Variants in CERT1 observed in about 807,000 individuals in gnomAD.
CERT1 encodes the protein ceramide transfer protein.
CERT1 carries 31 observed loss-of-function variants against 87.9 expected under a neutral mutation model. The ratio of observed to expected loss-of-function variants is 0.35; its 90% CI spans 0.27 to 0.48. The LOEUF (loss-of-function observed/expected upper bound fraction) is 0.48, where lower values mean the gene tolerates loss of function less well. Ranked by LOEUF, CERT1 falls within the 20% of genes least tolerant of loss-of-function variation. The pLI is 0.99. For synonymous variants in CERT1, 289 were observed against 250.9 expected, an observed-to-expected ratio of 1.15 and a Z score of -1.44; for missense variants, 487 against 758.0, an observed-to-expected ratio of 0.64 and a Z score of 4.20.
intron 3 of CERT1, among the ~76,000 whole-genome samples, chr5:75,434,375 C>T (rs61627934): frequency 0.044 from 6,746 of 151,952 alleles, 481 homozygotes; most frequent in African/African-American, 0.16. Context: ...GGTGTTTTGA[C>T]GTGCTGCTGT....
intron 3 of CERT1, among the ~76,000 whole-genome samples, chr5:75,457,909 C>CGTGT (rs34777423): frequency 4.8e-5 from 7 of 144,396 alleles, no homozygotes; most frequent in South Asian, 2.2e-4. Context: ...TATAGGCGCG[C>CGTGT]GTGTGTGTGT....
At chr5:75,413,593 C>T (rs891374042) in intron 7 of CERT1, among the ~76,000 whole-genome samples, 2 of 151,924 alleles carry the variant, frequency 1.3e-5, no homozygotes, top group African/African-American at 4.8e-5. Context: ...TGCACTTCAG[C>T]CTGGACAACA....
Position 75,386,034 on chromosome 5 carries a change from C to A in CERT1, c.1285G>T (p.Val429Leu). The change falls in exon 13 of 17, where the codon GTA (valine) becomes TTA (leucine). Residue 429 changes from valine to leucine, a missense_variant and splice_region_variant. This residue lies in a region of CERT1 where 147 missense variants were observed against 200.8 expected (regional missense o/e 0.73). Transcript: ENST00000643780. The stretch of plus-strand genomic sequence containing the variant: ...TTTTCTTCTACTTCTCTTCTGTATA[C>A]CTAAAGAGAACATAATTCCAAAACT... The part of the protein sequence containing the change: ...QLVVEEGEMK[V>L]YRREVEENGI... 1 of 1,512,600 alleles carries A rather than the reference C, an allele frequency of 6.6e-7. No homozygotes were observed. The highest frequency in any genetic ancestry group is 8.8e-7 in the Non-Finnish European group (1 of 1,133,372). The allele number at this position is 1,512,600 out of a possible 1,614,324, so 93.7% of individuals were successfully genotyped here.
At chr5:75,462,863 G>T (rs893980857) in intron 2 of CERT1, among the ~76,000 whole-genome samples, 1 of 151,398 alleles carries the variant, frequency 6.6e-6, no homozygotes, top group African/African-American at 2.4e-5. Context: ...GTGGTGGCGC[G>T]CGCCTGTAGT....
intron 3 of CERT1, among the ~76,000 whole-genome samples, chr5:75,437,377 T>C (rs1764140587): frequency 6.6e-6 from 1 of 152,168 alleles, no homozygotes; most frequent in Non-Finnish European, 1.5e-5. Flanking sequence ...AACAGATAAA[T>C]GTGGAGGCTA....
intron 8 of CERT1, among the ~76,000 whole-genome samples, chr5:75,407,128 ATAAT>A (rs528545442): frequency 8.5e-5 from 13 of 152,338 alleles, no homozygotes; most frequent in Middle Eastern, 3.4e-3. Context: ...GAGAAAAAAA[ATAAT>A]TAGAGTACCC....
chr5:75,451,705 C>T lies in CERT1; in HGVS notation c.348+7360G>A, dbSNP rs192007197. The stretch of plus-strand genomic sequence containing the variant: ...AACCAACAGTATGACTTTATATGAC[C>T]TTGATATTTAAAAACTACTAAGAGT... On this transcript the variant is annotated intron_variant, in intron 3 of 16. Coordinates refer to ENST00000643780, the MANE Select transcript of CERT1 (RefSeq NM_001379029.1). Among the ~76,000 whole-genome samples, 24 of 152,164 alleles carry T rather than the reference C, an allele frequency of 1.6e-4. No individual in the cohort carries two copies. In the East Asian group the frequency reaches 4.6e-3, roughly 29 times the overall value.
At chr5:75,481,614 T>G (rs1229062991) in intron 2 of CERT1, among the ~76,000 whole-genome samples, 2 of 152,182 alleles carry the variant, frequency 1.3e-5, no homozygotes, top group African/African-American at 4.8e-5. Flanking sequence ...CTTAAACAAT[T>G]TGTTTTCTGT....
At chr5:75,430,780 G>GT (rs777971279) in intron 3 of CERT1, among the ~76,000 whole-genome samples, 9 of 152,186 alleles carry the variant, frequency 5.9e-5, no homozygotes, top group Non-Finnish European at 1.3e-4. Flanking sequence ...GCTCACACCT[G>GT]TAATCCCAGC....
At chr5:75,418,136 A>G (rs1404889879) in intron 6 of CERT1, among the ~76,000 whole-genome samples, 1 of 152,210 alleles carries the variant, frequency 6.6e-6, no homozygotes, top group East Asian at 1.9e-4. Context: ...AGCCTGGGTA[A>G]CAAGAGGGAA....
chr5:75,399,332 T>C lies in CERT1; in HGVS notation c.1166A>G (p.Asp389Gly). ...SSIDLVSASD[D>G]VHRFSSQVEE... ...TACCTGGGAGCTGAATCTGTGAACA[T>C]CATCAGAGGCACTGACTAGATCAAT... The change falls in exon 11 of 17, where the codon GAT becomes GGT. Residue 389 changes from aspartate to glycine, a missense_variant. Physicochemically the swap from Asp to Gly is moderately conservative, Grantham distance 94 (BLOSUM62 -1). Coordinates refer to ENST00000643780, the MANE Select transcript of CERT1 (RefSeq NM_001379029.1). 1.2e-6 allele frequency: 2 copies of C among 1,612,678 alleles called. No individual in the cohort carries two copies. The highest frequency in any genetic ancestry group is 1.7e-6 in the Non-Finnish European group (2 of 1,178,838).
chr5:75,451,918 G>C (rs1764783656), intron 3 of CERT1, among the ~76,000 whole-genome samples: 2 of 152,154 alleles, frequency 1.3e-5, no homozygotes, highest in Admixed American at 1.3e-4. Context: ...ATTTTTAAAA[G>C]ATCTCTAAAT....
At chr5:75,375,630 T>TAAATAAAA (rs1561216269), downstream of CERT1, 2 of 131,282 alleles carry the variant, frequency 1.5e-5, no homozygotes, top group East Asian at 2.1e-4. Flanking sequence ...AATAAATAAA[T>TAAATAAAA]AAAATAAATA....
At chr5:75,474,637 G>C (rs1039850092) in intron 2 of CERT1, among the ~76,000 whole-genome samples, 2 of 152,040 alleles carry the variant, frequency 1.3e-5, no homozygotes, top group African/African-American at 4.8e-5. Context: ...CTCTACTAGA[G>C]AGACAGTCTC....
chr5:75,420,018 C>G (rs1190833050), intron 5 of CERT1, among the ~76,000 whole-genome samples: 1 of 151,708 alleles, frequency 6.6e-6, no homozygotes, highest in East Asian at 1.9e-4. Flanking sequence ...ACTCTGTCAC[C>G]CAGGCTGGAG....
chr5:75,405,798 C>T (rs1429047624), intron 8 of CERT1, among the ~76,000 whole-genome samples: 1 of 145,522 alleles, frequency 6.9e-6, no homozygotes, highest in Non-Finnish European at 1.5e-5. Context: ...ATCACAGGTA[C>T]ATACATATAG....
intron 15 of CERT1, among the ~76,000 whole-genome samples, chr5:75,381,507 C>T (rs1351397990): frequency 2.0e-5 from 3 of 151,132 alleles, no homozygotes; most frequent in African/African-American, 7.3e-5. Context: ...AGGTGCACAT[C>T]ACCAGGCCTG....
At chr5:75,379,874 A>G (rs543019171) in intron 16 of CERT1, among the ~76,000 whole-genome samples, 1 of 152,078 alleles carries the variant, frequency 6.6e-6, no homozygotes, top group East Asian at 1.9e-4. Context: ...GAGTCACTGT[A>G]CCCAGCTGGA....
intron 13 of CERT1, 112 bp downstream of exon 13, chr5:75,385,790 A>G: frequency 1.2e-6 from 1 of 820,862 alleles, no homozygotes; most frequent in South Asian, 4.7e-5. Context: ...ATGATTTTCC[A>G]AATACTTTCT....
Sources: gnomAD v4.1 joint callset for allele counts (sites outside exome capture counted in the v4.1 genomes callset) on GRCh38, gnomAD v4.1.1 for gene constraint, gnomAD v4.1.1 regional missense constraint, MANE v1.5 for transcripts, NCBI Gene and HGNC (gene_info 2026-07-23, HGNC 2026-07-21) for gene names.